ASIC2: variants seen among roughly 807,000 people sequenced by gnomAD.
ASIC2 encodes acid sensing ion channel subunit 2.
In ASIC2, 25 loss-of-function variants were observed where a neutral mutation model predicts 57.3. The ratio of observed to expected loss-of-function variants is 0.44; its 90% confidence interval spans 0.32 to 0.61. The LOEUF is 0.61. ASIC2 is among the 20% of genes least tolerant of loss of function. The pLI, the probability that ASIC2 is intolerant of heterozygous loss-of-function variation, is 0.06. For synonymous variants in ASIC2, 319 were observed against 307.5 expected (o/e 1.04, Z -0.39); for missense variants, 641 against 738.1 (o/e 0.87, Z 1.52).
At chr17:33,547,243 G>T (rs1417975434) in intron 1 of ASIC2, among the ~76,000 whole-genome samples, 1 of 150,142 alleles carries the variant, frequency 6.7e-6, no homozygotes, top group African/African-American at 2.5e-5. Flanking sequence ...TAATGACCAT[G>T]GATGGGGCAG....
At chr17:33,120,459 G>A (rs561916694) in intron 1 of ASIC2, among the ~76,000 whole-genome samples, 2 of 152,368 alleles carry the variant, frequency 1.3e-5, no homozygotes, top group East Asian at 3.9e-4. Context: ...CTTCAATTGT[G>A]TGGACAAATG....
intron 1 of ASIC2, among the ~76,000 whole-genome samples, chr17:33,578,760 C>T (rs909180992): frequency 1.3e-5 from 2 of 151,264 alleles, no homozygotes; most frequent in African/African-American, 4.9e-5. Flanking sequence ...TACAGCCCCA[C>T]CTGGAAGGTG....
At chr17:33,206,644 C>T (rs1487136445) in intron 1 of ASIC2, among the ~76,000 whole-genome samples, 1 of 152,086 alleles carries the variant, frequency 6.6e-6, no homozygotes, top group East Asian at 1.9e-4. Flanking sequence ...GTGTCCAAAC[C>T]AAGGCAGAGT....
intron 1 of ASIC2, among the ~76,000 whole-genome samples, chr17:33,579,468 A>C (rs1382258177): frequency 4.6e-5 from 7 of 152,082 alleles, no homozygotes; most frequent in Non-Finnish European, 1.0e-4. Flanking sequence ...TTATTCATTC[A>C]ACATTCATTG....
At chr17:33,138,585 C>A (rs553670498) in intron 1 of ASIC2, among the ~76,000 whole-genome samples, 1 of 152,310 alleles carries the variant, frequency 6.6e-6, no homozygotes, top group African/African-American at 2.4e-5. Context: ...ATAATCCAAG[C>A]AACATCCCTT....
rs1904337126 is a variant in ASIC2 at position 33,945,310 on chromosome 17, C to CTT, written c.555+210667_555+210668insAA. ...CTCAGCACAGGCATAAGGGCTTGCC[C>CTT]ATTTTTTTTTTTTTGGTGGTCTCAG... On this transcript the variant is annotated intron_variant, in intron 1 of 9. Transcript: ENST00000359872. Among the ~76,000 whole-genome samples the CTT allele has an allele frequency of 2.2e-5, 3 of 134,740 alleles. No individual in the cohort carries two copies. The East Asian group carries it at 6.5e-4, about 29-fold the overall frequency. 88.4% of individuals were successfully genotyped at this position (134,740 alleles called of 152,430 possible). A position where few individuals can be genotyped will look rare whatever the true frequency, so the allele number is the denominator to read the frequency against.
chr17:33,836,034 A>G (rs1913263962), intron 1 of ASIC2, among the ~76,000 whole-genome samples: 1 of 150,048 alleles, frequency 6.7e-6, no homozygotes, highest in Non-Finnish European at 1.5e-5. Context: ...TATCCTACAC[A>G]CATGAATAAT....
intron 1 of ASIC2, among the ~76,000 whole-genome samples, chr17:33,384,538 A>G (rs1909606178): frequency 6.6e-6 from 1 of 152,142 alleles, no homozygotes; most frequent in East Asian, 1.9e-4. Flanking sequence ...ATGTCTGTTT[A>G]CCTGTTACTT....
At chr17:33,874,177 G>C (rs192491197) in intron 1 of ASIC2, among the ~76,000 whole-genome samples, 11 of 152,214 alleles carry the variant, frequency 7.2e-5, no homozygotes, top group Non-Finnish European at 1.5e-4. Context: ...AGAGAATGTT[G>C]CCTCTGTCAC....
intron 1 of ASIC2, among the ~76,000 whole-genome samples, chr17:33,521,739 CTG>C (rs1237041056): frequency 1.3e-5 from 2 of 152,196 alleles, no homozygotes; most frequent in African/African-American, 4.8e-5. Context: ...ACTGCTAGGA[CTG>C]GAGCCCAGCA....
intron 3 of ASIC2, among the ~76,000 whole-genome samples, chr17:33,034,298 G>A (rs1355031176): frequency 6.6e-6 from 1 of 152,040 alleles, no homozygotes; most frequent in African/African-American, 2.4e-5. Context: ...CAGAAAAATC[G>A]GCACCCTAGA....
chr17:33,725,912 C>T (rs1210243620), intron 1 of ASIC2, among the ~76,000 whole-genome samples: 1 of 152,164 alleles, frequency 6.6e-6, no homozygotes, highest in African/African-American at 2.4e-5. Context: ...GTTGCCGCTT[C>T]CTGGTCCAGG....
chr17:33,247,218 G>C (rs1908721241), intron 1 of ASIC2, among the ~76,000 whole-genome samples: 1 of 152,204 alleles, frequency 6.6e-6, no homozygotes, highest in South Asian at 2.1e-4. Flanking sequence ...AGCCAGTGGT[G>C]AGTTAGGTGG....
At chr17:33,360,422 C>T (rs1314953831) in intron 1 of ASIC2, among the ~76,000 whole-genome samples, 2 of 152,132 alleles carry the variant, frequency 1.3e-5, no homozygotes, top group Non-Finnish European at 2.9e-5. Context: ...CAGTAAATGT[C>T]TGTGGAATGA....
At chr17:34,095,661 A>ATATATATATATATATATAATTT (rs1567818967) in intron 1 of ASIC2, among the ~76,000 whole-genome samples, 1 of 100,170 alleles carries the variant, frequency 1.0e-5, no homozygotes, top group African/African-American at 4.6e-5. Flanking sequence ...ATATAATTTT[A>ATATATATATATATATATAATTT]TATATATATA....
chr17:33,100,651 T>A (rs2092208607), intron 2 of ASIC2, among the ~76,000 whole-genome samples: 1 of 152,224 alleles, frequency 6.6e-6, no homozygotes, highest in African/African-American at 2.4e-5. Context: ...TACATTTCCA[T>A]CTACCATCTA....
rs531897146 is a variant in ASIC2, at chr17:33,102,929, G to A, written c.859+8988C>T. On this transcript the variant is annotated intron_variant, in intron 2 of 9. Transcript: ENST00000225823. ...CTCCCGAGTAGCTGGGGCTACAGGC[G>A]CCCACCACCACGCCCGGCTAATTTT... 2.9e-3 allele frequency among the ~76,000 whole-genome samples: 439 copies of A among 152,082 alleles called. 1 individual carries two copies. The highest frequency in any genetic ancestry group is 0.01 in the Middle Eastern group (3 of 294).
At chr17:34,044,134 A>G (rs1177011768) in intron 1 of ASIC2, among the ~76,000 whole-genome samples, 2 of 150,922 alleles carry the variant, frequency 1.3e-5, no homozygotes, top group South Asian at 2.1e-4. Context: ...ACGCACGCAC[A>G]CACACACACA....
intron 1 of ASIC2, among the ~76,000 whole-genome samples, chr17:33,490,286 T>C (rs968664556): frequency 2.0e-5 from 3 of 152,256 alleles, no homozygotes; most frequent in African/African-American, 7.2e-5. Context: ...TGGAAAAATG[T>C]TGAATAGTCT....
Sources: gnomAD v4.1 joint callset for allele counts (sites outside exome capture counted in the v4.1 genomes callset) on GRCh38, gnomAD v4.1.1 for gene constraint, MANE v1.5 for transcripts, NCBI Gene and HGNC (gene_info 2026-07-23, HGNC 2026-07-21) for gene names.